ABR: variants seen among roughly 807,000 people sequenced by gnomAD.
ABR encodes ABR activator of RhoGEF and GTPase.
Under a neutral mutation model 107.2 loss-of-function variants are expected in ABR, and 35 were observed. The ratio of observed to expected loss-of-function variants is 0.33; its 90% confidence interval spans 0.25 to 0.43. ABR has a LOEUF of 0.43. Ranked by LOEUF, ABR falls within the 20% of genes least tolerant of loss-of-function variation. The probability of loss-of-function intolerance (pLI) is 1.00; values close to 1 mark genes in which losing one functional copy is unlikely to be tolerated. For synonymous variants in ABR, 498 were observed against 462.0 expected (o/e 1.08, Z -1.00); for missense variants, 815 against 1,115.2 (o/e 0.73, Z 3.83).
intron 4 of ABR, among the ~76,000 whole-genome samples, chr17:1,088,870 G>A (rs1490935609): frequency 1.3e-5 from 2 of 149,114 alleles, no homozygotes; most frequent in African/African-American, 2.5e-5. Flanking sequence ...GGGATTATAA[G>A]CGTGAGCCAC....
chr17:1,102,766 A>G (rs997413316), intron 2 of ABR, among the ~76,000 whole-genome samples: 1 of 152,122 alleles, frequency 6.6e-6, no homozygotes, highest in Non-Finnish European at 1.5e-5. Flanking sequence ...GCTGGAGTGC[A>G]ATGGCATGAT....
At chr17:1,122,063 C>T (rs1293019605) in intron 2 of ABR, among the ~76,000 whole-genome samples, 3 of 152,136 alleles carry the variant, frequency 2.0e-5, no homozygotes, top group Admixed American at 6.5e-5. Context: ...CCACCACGCC[C>T]GGCTAATTTT....
chr17:1,229,446 G>A (rs2150779336), exon 1 of ABR, among the ~76,000 whole-genome samples: 1 of 151,542 alleles, frequency 6.6e-6, no homozygotes, highest in South Asian at 2.1e-4. Flanking sequence ...CCGGGCCAGC[G>A]CGGCCTGCGG....
chr17:1,205,418 T>C (rs1028587547), intron 1 of ABR, among the ~76,000 whole-genome samples: 2 of 152,184 alleles, frequency 1.3e-5, no homozygotes, highest in Non-Finnish European at 2.9e-5. Flanking sequence ...GCCTGTTCTG[T>C]AGGCTCCTTC....
At chr17:1,090,930 G>C (rs1333036720) in intron 4 of ABR, among the ~76,000 whole-genome samples, 1 of 152,148 alleles carries the variant, frequency 6.6e-6, no homozygotes, top group Non-Finnish European at 1.5e-5. Flanking sequence ...TCCTCCAGGG[G>C]ACACAGCCAG....
At chr17:1,183,649 C>T (rs2042203632), upstream of ABR, among the ~76,000 whole-genome samples, 1 of 152,142 alleles carries the variant, frequency 6.6e-6, no homozygotes, top group African/African-American at 2.4e-5. Flanking sequence ...TTCCTCCCTT[C>T]TCATGTTAGC....
At chr17:1,226,425 CAT>C in intron 1 of ABR, among the ~76,000 whole-genome samples, 1 of 151,840 alleles carries the variant, frequency 6.6e-6, no homozygotes, top group South Asian at 2.1e-4. Flanking sequence ...GGCAGTGTGC[CAT>C]GTATATACGT....
In ABR at chr17:1,078,871, T is replaced by C. The variant is rs2035960474; in HGVS notation, c.700+459A>G. 6.5e-7 allele frequency: 1 copy of C among 1,535,266 alleles called. No individual in the cohort carries two copies. Among genetic ancestry groups the C allele is most frequent in the Admixed American group, 2.0e-5 (1 of 50,974 alleles). On this transcript the variant is annotated intron_variant, in intron 6 of 22. Transcript: ENST00000302538. The surrounding 1 kb of genome is among the most constrained non-coding windows in gnomAD (Gnocchi z 7.5). ...AGGAGAATCTCCATGGCAGCCTCTG[T>C]CCCCGCGGCGGGAGCGTGCAGCCAT...
At position 1,173,504 on chromosome 17, in the gene ABR, C is replaced by T. The variant is rs1226970432; in HGVS notation, c.61+6163G>A. Among the ~76,000 whole-genome samples the T allele has an allele frequency of 5.9e-5, 9 of 151,756 alleles. No homozygotes were observed. The South Asian group carries it at 6.2e-4, about 11-fold the overall frequency. Reference sequence around the variant, plus strand: ...AGCTCAGCCAAACAGCTGCCGCCAACGCTGGCAGTGAAGTCCTCCAATCAT... The same window carrying T: ...AGCTCAGCCAAACAGCTGCCGCCAATGCTGGCAGTGAAGTCCTCCAATCAT... On this transcript the variant is annotated intron_variant, in intron 1 of 22. Coordinates refer to ENST00000302538, the MANE Select transcript of ABR (RefSeq NM_021962.5).
chr17:1,223,539 T>C lies in ABR; in HGVS notation c.838+5254A>G, dbSNP rs779463442. ...TTATAAGCTGGGTGACCATGGGCAA[T>C]GTTATTGAAGTTCTCCAGGCCTCGT... On this transcript the variant is annotated intron_variant, in intron 1 of 22. Coordinates refer to the ABR transcript ENST00000574139. 6.1e-4 allele frequency among the ~76,000 whole-genome samples: 93 copies of C among 152,228 alleles called. 1 individual carries two copies. In the Middle Eastern group the frequency reaches 0.017, roughly 28 times the overall value.
chr17:1,167,799 G>C (rs1434908794), intron 1 of ABR, among the ~76,000 whole-genome samples: 1 of 152,238 alleles, frequency 6.6e-6, no homozygotes, highest in African/African-American at 2.4e-5. Flanking sequence ...AAGGAGTTGA[G>C]AGTCTGGCAG....
rs140135090 is a variant in ABR at position 1,103,566 on chromosome 17, C to G, written c.247-2831G>C. On this transcript the variant is annotated intron_variant, in intron 2 of 22. Transcript: ENST00000302538. ...CCAGCCACAAACAAGCTTCATCCCC[C>G]CTGGCACGAGCATAGACCCTGGAAG... 3.1e-3 allele frequency among the ~76,000 whole-genome samples: 473 copies of G among 152,300 alleles called. 1 individual carries two copies. The highest frequency in any genetic ancestry group is 5.3e-3 in the Admixed American group (81 of 15,288).
chr17:1,022,120 A>ACAAAAAAAAAC (rs534389079), intron 16 of ABR, among the ~76,000 whole-genome samples: 3,275 of 118,416 alleles, frequency 0.028, 178 homozygotes, highest in Middle Eastern at 0.11. Flanking sequence ...AAAAAAAAAA[A>ACAAAAAAAAAC]AAAAACAGAA....
intron 4 of ABR, 47 bp downstream of exon 4, chr17:1,091,618 C>A (rs2037036114): frequency 6.3e-7 from 1 of 1,582,374 alleles, no homozygotes; most frequent in South Asian, 1.2e-5. Flanking sequence ...ACACTATGGG[C>A]TCCACTGAGG....
chr17:1,147,526 A>G (rs991933253), intron 1 of ABR, among the ~76,000 whole-genome samples: 1 of 151,848 alleles, frequency 6.6e-6, no homozygotes, highest in African/African-American at 2.4e-5. Flanking sequence ...ACACTCAGCT[A>G]ATTTTTATAT....
intron 1 of ABR, among the ~76,000 whole-genome samples, chr17:1,216,548 C>T (rs894301291): frequency 4.6e-5 from 7 of 152,212 alleles, no homozygotes; most frequent in African/African-American, 1.7e-4. Flanking sequence ...TGCCCATCTT[C>T]CCATCTTTCA....
At chr17:1,045,169 G>T (rs72814014) in intron 16 of ABR, among the ~76,000 whole-genome samples, 13,188 of 152,272 alleles carry the variant, frequency 0.087, 820 homozygotes, top group Admixed American at 0.19. Context: ...AAGTCTCTTT[G>T]CTTCTACTGC....
chr17:1,021,787 C>T (rs919938905), intron 16 of ABR, among the ~76,000 whole-genome samples: 59 of 134,624 alleles, frequency 4.4e-4, no homozygotes, highest in African/African-American at 1.5e-3. Flanking sequence ...TCCAGCCTGG[C>T]GGCAGAAAAA....
intron 13 of ABR, 137 bp downstream of exon 13, chr17:1,056,861 C>T: frequency 1.6e-6 from 1 of 619,926 alleles, no homozygotes; most frequent in Non-Finnish European, 3.0e-6. Flanking sequence ...TGTGTCCTGG[C>T]CACTCAACAG....
Sources: gnomAD v4.1 joint callset for allele counts (sites outside exome capture counted in the v4.1 genomes callset) on GRCh38, gnomAD v4.1.1 for gene constraint, Gnocchi (gnomAD v3.1) non-coding constraint, MANE v1.5 for transcripts, NCBI Gene and HGNC (gene_info 2026-07-23, HGNC 2026-07-21) for gene names.